The following TENM2 variants were observed in gnomAD, a reference collection of about 807,000 sequenced individuals.
The protein encoded by TENM2 is teneurin transmembrane protein 2.
A neutral mutation model predicts 245.2 loss-of-function variants in TENM2; 52 were observed. The ratio of observed to expected loss-of-function variants is 0.21; its 90% CI spans 0.17 to 0.27. The LOEUF (loss-of-function observed/expected upper bound fraction) is 0.27. TENM2 is among the 10% of genes least tolerant of loss of function. The probability of loss-of-function intolerance (pLI) is 1.00; values close to 1 mark genes in which losing one functional copy is unlikely to be tolerated. For missense variants in TENM2, 3,046 were observed against 3,666.8 expected (o/e 0.83, Z 4.37); for synonymous variants, 1,363 against 1,438.9 (o/e 0.95, Z 1.19).
chr5:167,568,708 G>A (rs998744487), intron 2 of TENM2, among the ~76,000 whole-genome samples: 5 of 149,984 alleles, frequency 3.3e-5, no homozygotes, highest in South Asian at 2.1e-4. Context: ...TCAAATAAAA[G>A]CATTTATTCA....
chr5:168,038,428 C>G (rs1465735847), intron 5 of TENM2, among the ~76,000 whole-genome samples: 1 of 152,158 alleles, frequency 6.6e-6, no homozygotes, highest in Non-Finnish European at 1.5e-5. Flanking sequence ...ACACACTTGG[C>G]TCTAAAACCA....
chr5:167,577,174 C>T (rs12515062), intron 2 of TENM2, among the ~76,000 whole-genome samples: 4,486 of 152,186 alleles, frequency 0.029, 109 homozygotes, highest in East Asian at 0.068. Context: ...TGACCTCTAT[C>T]TATGGGAGTA....
At chr5:167,200,671 C>T in the TENM2 span, among the ~76,000 whole-genome samples, 6 of 152,008 alleles carry the variant, frequency 3.9e-5, no homozygotes, top group Non-Finnish European at 5.9e-5. Flanking sequence ...TGATACCAAG[C>T]GATGAGAACC....
chr5:168,039,027 A>G (rs1025332147), intron 5 of TENM2, among the ~76,000 whole-genome samples: 1 of 152,078 alleles, frequency 6.6e-6, no homozygotes, highest in Admixed American at 6.5e-5. Flanking sequence ...GAGGGGAGAA[A>G]GTGCCCTAGG....
intron 3 of TENM2, among the ~76,000 whole-genome samples, chr5:167,894,896 G>T (rs1039819222): frequency 6.8e-6 from 1 of 146,980 alleles, no homozygotes; most frequent in Non-Finnish European, 1.5e-5. Context: ...AAGCTAAGAG[G>T]TTGCCTCTTC....
the TENM2 span, among the ~76,000 whole-genome samples, chr5:167,198,380 A>G: frequency 3.3e-5 from 5 of 152,228 alleles, no homozygotes; most frequent in Admixed American, 2.6e-4. Flanking sequence ...TTGGCAAAGG[A>G]GGGCGCTAAG....
At chr5:167,643,127 A>G (rs1250815166) in intron 2 of TENM2, among the ~76,000 whole-genome samples, 2 of 152,210 alleles carry the variant, frequency 1.3e-5, no homozygotes, top group East Asian at 1.9e-4. Flanking sequence ...TATATTTTGT[A>G]TGTCATAAAA....
chr5:167,367,571 T>G (rs557379232), intron 1 of TENM2, among the ~76,000 whole-genome samples: 1 of 152,266 alleles, frequency 6.6e-6, no homozygotes, highest in Non-Finnish European at 1.5e-5. Context: ...CATAAAACAT[T>G]AGTATTCATA....
intron 2 of TENM2, among the ~76,000 whole-genome samples, chr5:167,826,737 G>A (rs1768001837): frequency 6.6e-6 from 1 of 152,302 alleles, no homozygotes; most frequent in South Asian, 2.1e-4. Flanking sequence ...TAGTGACTCT[G>A]AGCAAGTTAC....
intron 2 of TENM2, among the ~76,000 whole-genome samples, chr5:167,779,399 C>T (rs1764032144): frequency 6.6e-6 from 1 of 152,174 alleles, no homozygotes; most frequent in Admixed American, 6.5e-5. Context: ...GTCCTACCAA[C>T]CAAGAACCTC....
chr5:167,177,287 T>A, the TENM2 span, among the ~76,000 whole-genome samples: 3 of 152,058 alleles, frequency 2.0e-5, no homozygotes, highest in Admixed American at 2.0e-4. Context: ...GAAAAAAAAA[T>A]TAGACTACAA....
chr5:167,314,966 A>G (rs1756268647), intron 1 of TENM2, among the ~76,000 whole-genome samples: 1 of 151,912 alleles, frequency 6.6e-6, no homozygotes, highest in South Asian at 2.1e-4. Context: ...ACATATCTTA[A>G]ATGTTTTCCT....
At chr5:167,259,251 G>A in the TENM2 span, among the ~76,000 whole-genome samples, 1 of 152,258 alleles carries the variant, frequency 6.6e-6, no homozygotes, top group Admixed American at 6.5e-5. Flanking sequence ...GGCAACAAGA[G>A]ACATTGAAGA....
At chr5:167,555,636 G>T (rs777623983) in intron 2 of TENM2, among the ~76,000 whole-genome samples, 1 of 152,130 alleles carries the variant, frequency 6.6e-6, no homozygotes, top group Non-Finnish European at 1.5e-5. Flanking sequence ...AAAAGAATGT[G>T]TAAGTCAGTT....
chr5:167,615,195 C>T (rs1777717632), intron 2 of TENM2, among the ~76,000 whole-genome samples: 2 of 152,012 alleles, frequency 1.3e-5, no homozygotes, highest in African/African-American at 2.4e-5. Flanking sequence ...CTGGACTGTC[C>T]TGTTACCGTG....
chr5:167,426,014 G>A (rs990473517), intron 2 of TENM2, among the ~76,000 whole-genome samples: 5 of 151,974 alleles, frequency 3.3e-5, no homozygotes, highest in Non-Finnish European at 4.4e-5. Context: ...TATCACATTC[G>A]TTCTTCTCAT....
At chr5:167,133,778 C>T in the TENM2 span, among the ~76,000 whole-genome samples, 1 of 151,732 alleles carries the variant, frequency 6.6e-6, no homozygotes, top group East Asian at 1.9e-4. Context: ...ATTATATTCC[C>T]CTAATATTCC....
At chr5:167,615,122 T>C (rs1777711500) in intron 2 of TENM2, among the ~76,000 whole-genome samples, 1 of 152,200 alleles carries the variant, frequency 6.6e-6, no homozygotes, top group Non-Finnish European at 1.5e-5. Flanking sequence ...TTTATCTCGA[T>C]TCAGAACAAA....
chr5:167,222,618 A>T, the TENM2 span, among the ~76,000 whole-genome samples: 1 of 152,236 alleles, frequency 6.6e-6, no homozygotes, highest in South Asian at 2.1e-4. Flanking sequence ...TTATTTATGG[A>T]CACTGTACAG....
Sources: gnomAD v4.1 joint callset for allele counts (sites outside exome capture counted in the v4.1 genomes callset) on GRCh38, gnomAD v4.1.1 for gene constraint, MANE v1.5 for transcripts, NCBI Gene and HGNC (gene_info 2026-07-23, HGNC 2026-07-21) for gene names.